Variants in SORBS3 observed in about 807,000 individuals in gnomAD.
The protein encoded by SORBS3 is vinexin.
In SORBS3, 69 loss-of-function variants were observed where a neutral mutation model predicts 98.0. That is an observed-to-expected ratio of 0.70 (90% confidence interval 0.58 to 0.86). The LOEUF is 0.86. Ranked by LOEUF, SORBS3 falls within the 40% of genes least tolerant of loss-of-function variation. The pLI, the probability that SORBS3 is intolerant of heterozygous loss-of-function variation, is 0.00. For synonymous variants in SORBS3, 394 were observed against 355.4 expected (o/e 1.11, Z -1.22); for missense variants, 954 against 908.5 (o/e 1.05, Z -0.64).
At position 22,554,932 on chromosome 8, in the gene SORBS3, G is replaced by A. The variant is rs1184363226; in HGVS notation, c.172G>A (p.Val58Met). ...FQFHDPAPRT[V>M]CNGGYTPRRD... ...GTTCCACGACCCCGCGCCCAGGACT[G>A]TGTGCAATGGGGGCTACACACCAAG... is the stretch of plus-strand genomic sequence containing the variant. The change falls in exon 3 of 21, where the codon GTG becomes ATG. Residue 58 changes from valine to methionine, a missense_variant. Transcript: ENST00000240123. This position sits in a 1 kb window ranked among gnomAD's most constrained non-coding sequence, Gnocchi z 6.5. The A allele has an allele frequency of 3.1e-6, 5 of 1,613,630 alleles. No homozygotes were observed. The African/African-American group carries it at 6.7e-5, about 22-fold the overall frequency.
chr8:22,568,225 C>G (rs1314897610), intron 16 of SORBS3, among the ~76,000 whole-genome samples: 1 of 152,114 alleles, frequency 6.6e-6, no homozygotes, highest in Non-Finnish European at 1.5e-5. Flanking sequence ...TATTAATTTA[C>G]TTGATCTTTG....
intron 3 of SORBS3, among the ~76,000 whole-genome samples, chr8:22,556,486 G>A (rs1475792841): frequency 6.6e-6 from 1 of 152,170 alleles, no homozygotes; most frequent in Non-Finnish European, 1.5e-5. Context: ...GATAGTCCCA[G>A]GAAAGAAGGA....
intron 6 of SORBS3, 87 bp from the exon 7 acceptor site, chr8:22,561,776 ACT>A (rs1840300461): frequency 4.9e-6 from 6 of 1,213,576 alleles, no homozygotes; most frequent in Middle Eastern, 1.9e-4. Context: ...TGGTGCTGAA[ACT>A]CTAAATAATC....
rs747756489 is a variant in SORBS3 at position 22,572,392 on chromosome 8, C to T, written c.1900C>T (p.Arg634Cys). Residue 634 changes from arginine (R) to cysteine (C), a missense_variant, in exon 20 of 21, where the codon CGC becomes TGC. Physicochemically the swap from Arg to Cys is radical, Grantham distance 180. Transcript: ENST00000240123. ...RPQNEDELEL[R>C]EGDRVDVMQQ... ...CCAGAACGAAGACGAGCTGGAGCTGCGCGAGGGGGACAGGGTGGATGTCAT... is the reference window on the plus strand; with the variant it reads ...CCAGAACGAAGACGAGCTGGAGCTGTGCGAGGGGGACAGGGTGGATGTCAT... 5.6e-6 allele frequency: 9 copies of T among 1,614,026 alleles called. No homozygotes were observed. Among genetic ancestry groups the T allele is most frequent in the East Asian group, 4.5e-5 (2 of 44,882 alleles).
chr8:22,564,284 T>C lies in SORBS3; in HGVS notation c.677T>C (p.Val226Ala), dbSNP rs938412757. Residue 226 changes from valine (V) to alanine (A), a missense_variant and splice_region_variant, in exon 9 of 21, where the codon GTG becomes GCG. Transcript: ENST00000240123. ...FSTVLQPSNQ[V>A]LRRREKVDNV... ...TGACACCCACCCACCTCCACGCAGG[T>C]GCTCAGACGCCGGGAAAAAGTAGAC... 1 of 1,590,372 alleles carries C rather than the reference T, an allele frequency of 6.3e-7. No homozygotes were observed. The highest frequency in any genetic ancestry group is 8.6e-7 in the Non-Finnish European group (1 of 1,167,044).
intron 1 of SORBS3, among the ~76,000 whole-genome samples, chr8:22,552,319 G>A (rs1023956306): frequency 3.3e-5 from 5 of 151,874 alleles, no homozygotes; most frequent in East Asian, 1.9e-4. Context: ...CCCCTCTCCC[G>A]CTCCAGGGGC....
intron 7 of SORBS3, among the ~76,000 whole-genome samples, chr8:22,562,575 C>T (rs1358585579): frequency 6.6e-6 from 1 of 152,172 alleles, no homozygotes. Flanking sequence ...CTGAAACTGG[C>T]CCGTAGCTCT....
intron 16 of SORBS3, among the ~76,000 whole-genome samples, chr8:22,568,784 T>C (rs1475298707): frequency 6.6e-6 from 1 of 152,226 alleles, no homozygotes; most frequent in African/African-American, 2.4e-5. Context: ...TGCTCAGTTT[T>C]GGAACAGTTC....
Position 22,571,230 on chromosome 8 carries a change from G to A in SORBS3, c.1743+9G>A. 6.6e-7 allele frequency: 1 copy of A among 1,518,288 alleles called. No individual in the cohort carries two copies. The highest frequency in any genetic ancestry group is 8.8e-7 in the Non-Finnish European group (1 of 1,133,746). The allele number at this position is 1,518,288 out of a possible 1,614,324, so 94.1% of individuals were successfully genotyped here. On this transcript the variant is annotated intron_variant, in intron 18 of 20. Transcript: ENST00000240123. ...CTAGACCCCAGACCCAGGTGAGGTA[G>A]CCTGCCTCCACCAGAGAGTCGACCT...
rs1382073945 is a variant in SORBS3, at chr8:22,558,276, C to T, written c.478+84C>T. On this transcript the variant is annotated intron_variant, in intron 5 of 20. Coordinates refer to ENST00000240123, the MANE Select transcript of SORBS3 (RefSeq NM_005775.5). ...GGAGAGACAGGGAAAGAAAAGGGGACTTAGCTGCTCAAGGGGTTCTTCTCC... is the reference window on the plus strand; with the variant it reads ...GGAGAGACAGGGAAAGAAAAGGGGATTTAGCTGCTCAAGGGGTTCTTCTCC... The T allele has an allele frequency of 3.8e-6, 5 of 1,299,190 alleles. No individual in the cohort carries two copies. The East Asian group carries it at 9.2e-5, about 24-fold the overall frequency. 80.5% of individuals were successfully genotyped at this position (1,299,190 alleles called of 1,614,324 possible).
At chr8:22,564,224 G>C in intron 8 of SORBS3, 59 bp from the exon 9 acceptor site, 3 of 1,524,958 alleles carry the variant, frequency 2.0e-6, no homozygotes, top group Non-Finnish European at 2.7e-6. Context: ...TGCATTTTGA[G>C]CCTGGCCAGT....
intron 11 of SORBS3, 193 bp from the exon 12 acceptor site, chr8:22,565,633 C>T: frequency 9.0e-7 from 1 of 1,113,292 alleles, no homozygotes; most frequent in Non-Finnish European, 1.1e-6. Context: ...CCCCGGGCCC[C>T]AGCCTCGGGG....
chr8:22,563,127 A>T (rs1840331109), intron 7 of SORBS3, among the ~76,000 whole-genome samples: 1 of 152,192 alleles, frequency 6.6e-6, no homozygotes, highest in Non-Finnish European at 1.5e-5. Context: ...TCAAAAAAAA[A>T]AAAAATTATG....
chr8:22,570,145 A>G (rs538874764), intron 17 of SORBS3, among the ~76,000 whole-genome samples: 45 of 152,344 alleles, frequency 3.0e-4, no homozygotes, highest in African/African-American at 1.0e-3. Context: ...AGCAGTGATC[A>G]TGCTCCCAAA....
intron 7 of SORBS3, 87 bp from the exon 8 acceptor site, chr8:22,563,900 A>G: frequency 1.0e-6 from 1 of 994,812 alleles, no homozygotes; most frequent in South Asian, 1.3e-5. Flanking sequence ...CACAGCAGGG[A>G]CAAGGGCAGG....
chr8:22,560,235 G>A (rs1300832331), intron 5 of SORBS3, among the ~76,000 whole-genome samples: 1 of 152,002 alleles, frequency 6.6e-6, no homozygotes, highest in African/African-American at 2.4e-5. Context: ...CAGCTATTTG[G>A]CAGGCTGAGG....
chr8:22,556,113 T>G (rs1326042751), intron 3 of SORBS3, among the ~76,000 whole-genome samples: 1 of 152,212 alleles, frequency 6.6e-6, no homozygotes, highest in African/African-American at 2.4e-5. Flanking sequence ...CCCTAGCTAC[T>G]TAGAGGCTAA....
chr8:22,567,524 CG>C (rs1204240823), intron 16 of SORBS3, among the ~76,000 whole-genome samples: 4 of 152,234 alleles, frequency 2.6e-5, no homozygotes, highest in African/African-American at 9.6e-5. Flanking sequence ...TTATAAATCA[CG>C]TATACACGCA....
At chr8:22,551,635 C>T, upstream of SORBS3, 2 of 676,420 alleles carry the variant, frequency 3.0e-6, no homozygotes, top group Non-Finnish European at 3.7e-6. The surrounding 1 kb of genome is among the most constrained non-coding windows in gnomAD (Gnocchi z 5.8). Context: ...CCTCGGCGGC[C>T]CCTCCCGGCG....
Sources: allele counts gnomAD v4.1 joint callset (sites outside exome capture counted in the v4.1 genomes callset), GRCh38; gene constraint gnomAD v4.1.1; non-coding constraint Gnocchi (gnomAD v3.1); transcripts MANE v1.5; gene names NCBI Gene and HGNC (gene_info 2026-07-23, HGNC 2026-07-21).